The following ZRANB3 variants were observed in gnomAD, a reference collection of about 807,000 sequenced individuals.
ZRANB3 encodes DNA annealing helicase and endonuclease ZRANB3.
ZRANB3 carries 125 observed loss-of-function variants against 133.8 expected under a neutral mutation model. That is an observed-to-expected ratio of 0.93 (90% confidence interval 0.81 to 1.08). ZRANB3 has a LOEUF of 1.08. Among genes scored for constraint, ZRANB3 ranks in the 50% least tolerant of loss-of-function variants. The pLI is 0.00. For missense variants in ZRANB3, 1,229 were observed against 1,275.5 expected (o/e 0.96, Z 0.56); for synonymous variants, 387 against 432.7 (o/e 0.89, Z 1.31).
At chr2:135,425,239 T>A (rs1689016658) in intron 2 of ZRANB3, among the ~76,000 whole-genome samples, 1 of 151,714 alleles carries the variant, frequency 6.6e-6, no homozygotes, top group Admixed American at 6.6e-5. Flanking sequence ...GATGATGAGG[T>A]AAAGAAAAAA....
chr2:135,233,878 G>A (rs948578075), intron 12 of ZRANB3, among the ~76,000 whole-genome samples: 8 of 152,170 alleles, frequency 5.3e-5, no homozygotes, highest in Non-Finnish European at 1.2e-4. Context: ...GGAAGAAACT[G>A]CATCAACTAA....
In ZRANB3 at chr2:135,269,078, T is replaced by C. The variant is rs1680388588; in HGVS notation, c.1270A>G (p.Ile424Val). 6.2e-7 allele frequency: 1 copy of C among 1,613,218 alleles called. No homozygotes were observed. Among genetic ancestry groups the C allele is most frequent in the Non-Finnish European group, 8.5e-7 (1 of 1,179,730 alleles). The stretch of plus-strand genomic sequence containing the variant: ...TGAGCTCGGTCTTCTGCTTGTTTTA[T>C]ATGTCCAGGGTCCCAGTACAACTCA... ...FAELYWDPGH[I>V]KQAEDRAHRI... The change falls in exon 11 of 21, where the codon ATA becomes GTA. Residue 424 changes from isoleucine (I) to valine (V), a missense_variant. Transcript: ENST00000264159.
intron 3 of ZRANB3, among the ~76,000 whole-genome samples, chr2:135,359,396 C>T (rs1199023379): frequency 6.6e-6 from 1 of 151,898 alleles, no homozygotes; most frequent in Non-Finnish European, 1.5e-5. Flanking sequence ...CCAGTTTGGG[C>T]AACAGAGAGA....
intron 8 of ZRANB3, among the ~76,000 whole-genome samples, chr2:135,299,770 T>G (rs1682341809): frequency 6.6e-6 from 1 of 152,188 alleles, no homozygotes; most frequent in African/African-American, 2.4e-5. Flanking sequence ...ATATAGCACA[T>G]AAATAATATA....
chr2:135,431,215 T>C (rs1175633815), intron 2 of ZRANB3, among the ~76,000 whole-genome samples: 2 of 151,534 alleles, frequency 1.3e-5, no homozygotes, highest in African/African-American at 2.4e-5. Context: ...TCACTTGAGC[T>C]CAGAGAGTCG....
intron 6 of ZRANB3, 46 bp downstream of exon 6, chr2:135,345,504 C>T (rs1159518626): frequency 7.5e-7 from 1 of 1,331,464 alleles, no homozygotes; most frequent in African/African-American, 1.5e-5. Flanking sequence ...GCAATGTTCA[C>T]AGTAAACATG....
At chr2:135,202,187 G>A (rs993935932) in intron 20 of ZRANB3, among the ~76,000 whole-genome samples, 1 of 152,148 alleles carries the variant, frequency 6.6e-6, no homozygotes, top group Non-Finnish European at 1.5e-5. Context: ...GAGTACATGA[G>A]AAATGCTTAG....
At chr2:135,323,616 T>A (rs566916719) in intron 6 of ZRANB3, among the ~76,000 whole-genome samples, 1 of 152,096 alleles carries the variant, frequency 6.6e-6, no homozygotes. Context: ...TTGGAGATCA[T>A]CCCATCGGTC....
intron 8 of ZRANB3, among the ~76,000 whole-genome samples, chr2:135,302,038 C>T (rs541954514): frequency 1.3e-5 from 2 of 152,280 alleles, no homozygotes; most frequent in Non-Finnish European, 2.9e-5. Context: ...ATTTCAAGTT[C>T]ATTTACAAAC....
chr2:135,290,592 A>G (rs1423637040), intron 8 of ZRANB3, among the ~76,000 whole-genome samples: 1 of 152,230 alleles, frequency 6.6e-6, no homozygotes, highest in African/African-American at 2.4e-5. Flanking sequence ...GGCCATTTAC[A>G]GTCAACGTCA....
chr2:135,446,218 AAAAG>A (rs1690016347), intron 2 of ZRANB3, among the ~76,000 whole-genome samples: 1 of 152,066 alleles, frequency 6.6e-6, no homozygotes, highest in African/African-American at 2.4e-5. Flanking sequence ...AAAAAAAAAA[AAAAG>A]AAAGAAATTG....
intron 12 of ZRANB3, among the ~76,000 whole-genome samples, chr2:135,255,310 T>C (rs1231639882): frequency 6.6e-6 from 1 of 151,946 alleles, no homozygotes; most frequent in African/African-American, 2.4e-5. Context: ...CAGGGATTCA[T>C]GGCAATCAAA....
chr2:135,481,472 T>C, intron 2 of ZRANB3, among the ~76,000 whole-genome samples: 1 of 152,248 alleles, frequency 6.6e-6, no homozygotes, highest in Admixed American at 6.5e-5. Context: ...GTTTGTTTTT[T>C]TCTTGTAAAT....
chr2:135,436,824 A>C (rs182107443), intron 2 of ZRANB3, among the ~76,000 whole-genome samples: 14 of 152,132 alleles, frequency 9.2e-5, no homozygotes, highest in Non-Finnish European at 1.9e-4. Context: ...TTAAGCAAAA[A>C]GAATAAGGCT....
chr2:135,349,084 C>T (rs534661686), intron 5 of ZRANB3, among the ~76,000 whole-genome samples: 1 of 152,240 alleles, frequency 6.6e-6, no homozygotes, highest in South Asian at 2.1e-4. Context: ...TTTATCATCA[C>T]TATCTATGTA....
At chr2:135,447,238 C>T (rs1440481112) in intron 2 of ZRANB3, among the ~76,000 whole-genome samples, 1 of 152,086 alleles carries the variant, frequency 6.6e-6, no homozygotes, top group Non-Finnish European at 1.5e-5. Context: ...GGGGTTTCAC[C>T]ATGTTTGCCA....
intron 8 of ZRANB3, among the ~76,000 whole-genome samples, chr2:135,294,919 C>G (rs1681963751): frequency 6.6e-6 from 1 of 152,184 alleles, no homozygotes; most frequent in Non-Finnish European, 1.5e-5. Context: ...GAGTGAGTTT[C>G]TTAATCCTGA....
At chr2:135,403,606 G>A (rs1574046394) in intron 2 of ZRANB3, among the ~76,000 whole-genome samples, 1 of 152,186 alleles carries the variant, frequency 6.6e-6, no homozygotes, top group East Asian at 1.9e-4. Context: ...AGAGAGCAGT[G>A]GTTATCCCAG....
At position 135,398,521 on chromosome 2, in the gene ZRANB3, CTTTT is replaced by C. The variant is rs374119156; in HGVS notation, c.162-7705_162-7702del. ...CAAACAAAAACCATTTCTTTTGTCA[CTTTT>C]TTTTTTTTTTTGAGATGGAGTCTTG... On this transcript the variant is annotated intron_variant, in intron 2 of 20. Transcript: ENST00000264159. Among the ~76,000 whole-genome samples, 5 of 123,910 alleles carry C rather than the reference CTTTT, an allele frequency of 4.0e-5. No individual in the cohort carries two copies. The South Asian group carries it at 7.8e-4, about 19-fold the overall frequency. 81.3% of individuals were successfully genotyped at this position (123,910 alleles called of 152,430 possible).
Sources: allele counts gnomAD v4.1 joint callset (sites outside exome capture counted in the v4.1 genomes callset), GRCh38; gene constraint gnomAD v4.1.1; transcripts MANE v1.5; gene names NCBI Gene and HGNC (gene_info 2026-07-23, HGNC 2026-07-21).